Variants in NEDD1 observed in about 807,000 individuals in gnomAD.
NEDD1 encodes NEDD1 gamma-tubulin ring complex targeting factor, also known as protein NEDD1.
In NEDD1, 33 loss-of-function variants were observed where a neutral mutation model predicts 74.0. The ratio of observed to expected loss-of-function variants is 0.45; its 90% CI spans 0.34 to 0.60. The LOEUF (loss-of-function observed/expected upper bound fraction) is 0.60. Ranked by LOEUF, NEDD1 falls within the 20% of genes least tolerant of loss-of-function variation. The pLI, the probability that NEDD1 is intolerant of heterozygous loss-of-function variation, is 0.01. For synonymous variants in NEDD1, 250 were observed against 264.4 expected, an observed-to-expected ratio of 0.95 and a Z score of 0.53; for missense variants, 746 against 776.5, an observed-to-expected ratio of 0.96 and a Z score of 0.47.
rs955814628 is a variant in NEDD1 at position 96,923,444 on chromosome 12, T to G, written c.489+3319T>G. On this transcript the variant is annotated intron_variant, in intron 6 of 15. Coordinates refer to ENST00000266742, the MANE Select transcript of NEDD1 (RefSeq NM_152905.4). Reference sequence around the variant, plus strand: ...TACTTTATGAAAAATTGCCAAAACATTTTCTAAAGTGAAATCCAGCTGGCT... The same window carrying G: ...TACTTTATGAAAAATTGCCAAAACAGTTTCTAAAGTGAAATCCAGCTGGCT... Among the ~76,000 whole-genome samples, 9 of 152,214 alleles carry G rather than the reference T, an allele frequency of 5.9e-5. 1 individual carries two copies. The highest frequency in any genetic ancestry group is 3.9e-4 in the Admixed American group (6 of 15,274).
intron 6 of NEDD1, among the ~76,000 whole-genome samples, chr12:96,930,959 G>A (rs1023338752): frequency 6.6e-6 from 1 of 152,180 alleles, no homozygotes; most frequent in African/African-American, 2.4e-5. Context: ...AATATGTTGA[G>A]ATTTTTCAGG....
At chr12:96,919,412 T>G (rs944731337) in intron 5 of NEDD1, among the ~76,000 whole-genome samples, 1 of 152,212 alleles carries the variant, frequency 6.6e-6, no homozygotes, top group African/African-American at 2.4e-5. Context: ...AAGCATTAAA[T>G]AATATATAAA....
At chr12:96,932,333 G>A (rs545072679) in intron 6 of NEDD1, among the ~76,000 whole-genome samples, 127 of 144,806 alleles carry the variant, frequency 8.8e-4, no homozygotes, top group Middle Eastern at 3.6e-3. Flanking sequence ...GAGGCCAGGT[G>A]CGGTGGCTCA....
intron 14 of NEDD1, among the ~76,000 whole-genome samples, chr12:96,949,736 C>A (rs189222275): frequency 8.9e-4 from 135 of 152,024 alleles, no homozygotes; most frequent in African/African-American, 2.7e-3. Flanking sequence ...TGGAAAGAAA[C>A]CTATGCATAT....
At chr12:96,942,713 C>A in intron 11 of NEDD1, 89 bp downstream of exon 11, 1 of 717,108 alleles carries the variant, frequency 1.4e-6, no homozygotes. Flanking sequence ...CACTTTGAGG[C>A]TTAAAAAAAT....
intron 2 of NEDD1, 128 bp downstream of exon 2, chr12:96,907,984 C>G: frequency 1.5e-6 from 1 of 652,006 alleles, no homozygotes; most frequent in Non-Finnish European, 2.1e-6. Flanking sequence ...GAGCCCAGGC[C>G]TCAGTGATCT....
chr12:96,914,292 G>A (rs1452359987), intron 4 of NEDD1, among the ~76,000 whole-genome samples: 1 of 152,080 alleles, frequency 6.6e-6, no homozygotes, highest in Admixed American at 6.5e-5. Context: ...TATGCATTAT[G>A]CCTTAGGATC....
intron 3 of NEDD1, among the ~76,000 whole-genome samples, chr12:96,911,541 T>C (rs890894082): frequency 5.3e-5 from 8 of 152,202 alleles, no homozygotes; most frequent in African/African-American, 1.7e-4. Flanking sequence ...ATTCCAAGAA[T>C]GGGGTTAATG....
At chr12:96,929,141 A>T (rs1876063401) in intron 6 of NEDD1, among the ~76,000 whole-genome samples, 1 of 150,104 alleles carries the variant, frequency 6.7e-6, no homozygotes. Flanking sequence ...TTTTTTCTCA[A>T]GTGTTTTTAA....
Position 96,942,577 on chromosome 12 carries a change from A to G in NEDD1, c.1247A>G (p.Asp416Gly). The change falls in exon 11 of 16, where the codon GAT (aspartate) becomes GGT (glycine). Residue 416 changes from aspartate to glycine, a missense_variant and splice_region_variant. Physicochemically the swap from Asp to Gly is moderately conservative, Grantham distance 94 (BLOSUM62 -1). Transcript: ENST00000266742. ...AATTTGATTTTCTAATTTGTTATAG[A>G]TGCTGTAGTTAACAAGGGAAGTGAT... ...LGDMFSPIRD[D>G]AVVNKGSDES... The G allele has an allele frequency of 2.1e-6, 3 of 1,457,762 alleles. No individual in the cohort carries two copies. The highest frequency in any genetic ancestry group is 2.9e-6 in the Non-Finnish European group (3 of 1,040,104). The allele number at this position is 1,457,762 out of a possible 1,614,324, so 90.3% of individuals were successfully genotyped here. A position where few individuals can be genotyped will look rare whatever the true frequency, so the allele number is the denominator to read the frequency against.
At chr12:96,943,084 CT>C (rs987256317) in intron 11 of NEDD1, among the ~76,000 whole-genome samples, 2 of 152,114 alleles carry the variant, frequency 1.3e-5, no homozygotes, top group Non-Finnish European at 2.9e-5. Context: ...TTTCATATTA[CT>C]TTTGTTAGAA....
intron 9 of NEDD1, among the ~76,000 whole-genome samples, chr12:96,938,464 C>T (rs138031125): frequency 2.6e-4 from 40 of 152,124 alleles, no homozygotes; most frequent in African/African-American, 8.4e-4. Context: ...TAAAGATTCT[C>T]TCATTCACTG....
In NEDD1 at chr12:96,920,088, A is replaced by C; in HGVS notation, c.452A>C (p.Asn151Thr). The change falls in exon 6 of 16, where the codon AAT becomes ACT. Residue 151 changes from asparagine to threonine, a missense_variant. This residue lies in a region of NEDD1 where 706 missense variants were observed against 706.7 expected (regional missense o/e 1.00). Coordinates refer to ENST00000266742, the MANE Select transcript of NEDD1 (RefSeq NM_152905.4). The part of the protein sequence containing the change: ...GEIILHSVTT[N>T]LSSTPFGHGS... ...ATTATTTTACACAGTGTAACCACTA[A>C]TTTATCTAGTACTCCTTTTGGCCAT... 6.2e-7 allele frequency: 1 copy of C among 1,606,376 alleles called. No homozygotes were observed. Among genetic ancestry groups the C allele is most frequent in the Non-Finnish European group, 8.5e-7 (1 of 1,174,200 alleles).
intron 1 of NEDD1, 25 bp downstream of exon 1, chr12:96,907,325 C>T: frequency 2.7e-6 from 1 of 368,018 alleles, no homozygotes. Context: ...GCCCTGAGGT[C>T]AGCGGGCCCC....
At chr12:96,920,293 A>G (rs753786682) in intron 6 of NEDD1, among the ~76,000 whole-genome samples, 168 bp downstream of exon 6, 3 of 152,004 alleles carry the variant, frequency 2.0e-5, no homozygotes, top group Admixed American at 6.6e-5. Flanking sequence ...ATACTAGATT[A>G]TGGTGCTTAT....
chr12:96,951,929 G>T lies in NEDD1; in HGVS notation c.1879-20G>T. 1 of 1,268,526 alleles carries T rather than the reference G, an allele frequency of 7.9e-7. No individual in the cohort carries two copies. The highest frequency in any genetic ancestry group is 1.2e-5 in the South Asian group (1 of 82,966). The allele number at this position is 1,268,526 out of a possible 1,614,324, so 78.6% of individuals were successfully genotyped here. Reference sequence around the variant, plus strand: ...ATGTGAAATATCAATAATTTAAAAAGCATTTTCCTGTTTTTCTAGAATGAA... The same window carrying T: ...ATGTGAAATATCAATAATTTAAAAATCATTTTCCTGTTTTTCTAGAATGAA... On this transcript the variant is annotated intron_variant, in intron 15 of 15. Coordinates refer to ENST00000266742, the MANE Select transcript of NEDD1 (RefSeq NM_152905.4).
intron 14 of NEDD1, among the ~76,000 whole-genome samples, chr12:96,948,232 T>A (rs997757629): frequency 1.3e-5 from 2 of 152,142 alleles, no homozygotes; most frequent in African/African-American, 2.4e-5. Context: ...TCAGCCCTCC[T>A]GTTACACTTG....
intron 2 of NEDD1, among the ~76,000 whole-genome samples, chr12:96,909,014 T>C (rs1259931516): frequency 6.6e-6 from 1 of 151,880 alleles, no homozygotes; most frequent in Admixed American, 6.6e-5. Flanking sequence ...CCGTCTCTAC[T>C]AAAAATACAA....
rs570560083 is a variant in NEDD1 at position 96,952,827 on chromosome 12, T to C, written c.*774T>C. ...AAATTTCAATCAACATGACAACTTA[T>C]AATGAGTGGAGATTTCATATTAGGT... On this transcript the variant is annotated 3_prime_UTR_variant, in exon 16 of 16. Transcript: ENST00000266742. 10 of 151,876 alleles carry C rather than the reference T, an allele frequency of 6.6e-5. No homozygotes were observed. Among genetic ancestry groups the C allele is most frequent in the South Asian group, 6.2e-4 (3 of 4,826 alleles). 9.4% of individuals were successfully genotyped at this position (151,876 alleles called of 1,614,324 possible).
Sources: allele counts gnomAD v4.1 joint callset (sites outside exome capture counted in the v4.1 genomes callset), GRCh38; gene constraint gnomAD v4.1.1; regional missense constraint gnomAD v4.1.1; transcripts MANE v1.5; gene names NCBI Gene and HGNC (gene_info 2026-07-23, HGNC 2026-07-21).